ETF1: variants seen among roughly 807,000 people sequenced by gnomAD.
ETF1 encodes the protein eukaryotic translation termination factor 1.
In ETF1, 4 loss-of-function variants were observed where a neutral mutation model predicts 55.1. The ratio of observed to expected loss-of-function variants is 0.07; its 90% confidence interval spans 0.04 to 0.17. The LOEUF (loss-of-function observed/expected upper bound fraction) is 0.17, where lower values mean the gene tolerates loss of function less well. Ranked by LOEUF, ETF1 falls within the 10% of genes least tolerant of loss-of-function variation. The probability of loss-of-function intolerance (pLI) is 1.00; values close to 1 mark genes in which losing one functional copy is unlikely to be tolerated. For missense variants in ETF1, 142 were observed against 523.6 expected (o/e 0.27, Z 7.11); for synonymous variants, 157 against 182.3 (o/e 0.86, Z 1.12).
At chr5:138,512,582 G>C (rs1039511932) in intron 6 of ETF1, 182 bp downstream of exon 6, 2 of 487,658 alleles carry the variant, frequency 4.1e-6, no homozygotes, top group Non-Finnish European at 7.0e-6. Flanking sequence ...CAGAAGAGAA[G>C]GGGTTCAGAA....
intron 2 of ETF1, among the ~76,000 whole-genome samples, chr5:138,531,103 G>C (rs968039229): frequency 1.3e-5 from 2 of 152,282 alleles, no homozygotes; most frequent in Non-Finnish European, 1.5e-5. Flanking sequence ...GTATTGAAAG[G>C]TGGGGCATAT....
chr5:138,535,874 C>CAAAAAAAA (rs35261297), intron 2 of ETF1, among the ~76,000 whole-genome samples: 3 of 57,842 alleles, frequency 5.2e-5, no homozygotes, highest in East Asian at 5.8e-4. Context: ...GACTCCGCCT[C>CAAAAAAAA]AAAAAAAAAA....
intron 2 of ETF1, among the ~76,000 whole-genome samples, chr5:138,531,458 T>C (rs1765695584): frequency 6.6e-6 from 1 of 152,052 alleles, no homozygotes; most frequent in Admixed American, 6.6e-5. Flanking sequence ...CCATAATGAA[T>C]TGTGACAGCT....
chr5:138,520,439 T>C (rs1472408147), intron 2 of ETF1, among the ~76,000 whole-genome samples: 1 of 152,204 alleles, frequency 6.6e-6, no homozygotes, highest in Non-Finnish European at 1.5e-5. Flanking sequence ...TCAACACCAA[T>C]GCCAGTAACA....
intron 2 of ETF1, among the ~76,000 whole-genome samples, chr5:138,539,973 C>T (rs1027148859): frequency 1.3e-5 from 2 of 152,170 alleles, no homozygotes; most frequent in Non-Finnish European, 2.9e-5. Context: ...TAATAATGTA[C>T]TGTAGCACAG....
At chr5:138,539,285 T>C (rs1410974451) in intron 2 of ETF1, among the ~76,000 whole-genome samples, 4 of 152,194 alleles carry the variant, frequency 2.6e-5, no homozygotes, top group Non-Finnish European at 5.9e-5. Flanking sequence ...AACTATAAGG[T>C]GTCCAACATT....
intron 2 of ETF1, among the ~76,000 whole-genome samples, chr5:138,536,427 G>T (rs462783): frequency 6.6e-6 from 1 of 151,910 alleles, no homozygotes. Context: ...AGATAAAACC[G>T]TATCAGAGGG....
At chr5:138,520,677 G>T (rs762308717) in intron 2 of ETF1, among the ~76,000 whole-genome samples, 1 of 152,068 alleles carries the variant, frequency 6.6e-6, no homozygotes, top group Non-Finnish European at 1.5e-5. Context: ...AATCAGCTGG[G>T]TGTCACGTGA....
chr5:138,513,788 C>G (rs1158806750), intron 4 of ETF1, 82 bp from the exon 5 acceptor site: 4 of 1,434,474 alleles, frequency 2.8e-6, no homozygotes, highest in Non-Finnish European at 3.7e-6. Flanking sequence ...TATATACAAG[C>G]CCTTTCACTC....
chr5:138,518,242 A>C (rs1765102085), intron 3 of ETF1, among the ~76,000 whole-genome samples: 1 of 146,794 alleles, frequency 6.8e-6, no homozygotes, highest in Admixed American at 6.9e-5. Flanking sequence ...ACAACGCCTC[A>C]CTCTGTCACT....
chr5:138,520,804 A>G (rs1056011116), intron 2 of ETF1, among the ~76,000 whole-genome samples: 14 of 152,186 alleles, frequency 9.2e-5, no homozygotes, highest in Admixed American at 2.0e-4. Context: ...GGGCAACAGT[A>G]TAAGACTGTC....
chr5:138,536,762 G>A (rs562366694), intron 2 of ETF1, among the ~76,000 whole-genome samples: 1 of 152,234 alleles, frequency 6.6e-6, no homozygotes, highest in East Asian at 1.9e-4. Flanking sequence ...CTGCAAAGCT[G>A]ACACTAACTT....
At chr5:138,528,317 T>C (rs970353735) in intron 2 of ETF1, among the ~76,000 whole-genome samples, 3 of 152,150 alleles carry the variant, frequency 2.0e-5, no homozygotes, top group African/African-American at 4.8e-5. Flanking sequence ...ACCCTTCAAA[T>C]AAGATAATGA....
chr5:138,541,209 AACATAATGGGTCGTG>A (rs1448065359), intron 2 of ETF1, among the ~76,000 whole-genome samples: 1 of 152,232 alleles, frequency 6.6e-6, no homozygotes, highest in African/African-American at 2.4e-5. Context: ...TTGGTAGTGC[AACATAATGGGTCGTG>A]ACCTATGTTA....
At chr5:138,526,708 G>GT (rs930983035) in intron 2 of ETF1, among the ~76,000 whole-genome samples, 40 of 147,444 alleles carry the variant, frequency 2.7e-4, no homozygotes, top group East Asian at 6.0e-4. Flanking sequence ...AACAGCTATT[G>GT]TTTTTTTTTT....
intron 2 of ETF1, among the ~76,000 whole-genome samples, chr5:138,527,528 A>G (rs1765523508): frequency 6.6e-6 from 1 of 152,334 alleles, no homozygotes; most frequent in African/African-American, 2.4e-5. Context: ...CTCTACATAC[A>G]TGCCAATGGA....
chr5:138,530,979 C>A (rs1296178650), intron 2 of ETF1, among the ~76,000 whole-genome samples: 3 of 152,204 alleles, frequency 2.0e-5, no homozygotes, highest in Non-Finnish European at 4.4e-5. Flanking sequence ...CACAACCTCA[C>A]CTCCACCCAA....
chr5:138,519,060 C>T (rs1765131409), intron 2 of ETF1, 193 bp from the exon 3 acceptor site: 2 of 984,678 alleles, frequency 2.0e-6, no homozygotes, highest in Non-Finnish European at 2.4e-6. Context: ...TGTTCAGAAT[C>T]TAGTGCTCAA....
intron 2 of ETF1, among the ~76,000 whole-genome samples, chr5:138,525,780 T>C (rs1765443689): frequency 6.6e-6 from 1 of 151,794 alleles, no homozygotes; most frequent in African/African-American, 2.4e-5. Context: ...ACCCCATCTC[T>C]ACTAAAAATA....
Sources: gnomAD v4.1 joint callset for allele counts (sites outside exome capture counted in the v4.1 genomes callset) on GRCh38, gnomAD v4.1.1 for gene constraint, MANE v1.5 for transcripts, NCBI Gene and HGNC (gene_info 2026-07-23, HGNC 2026-07-21) for gene names.